PTPRD: variants seen among roughly 807,000 people sequenced by gnomAD.
The protein encoded by PTPRD is protein tyrosine phosphatase receptor type D, also known as receptor-type tyrosine-protein phosphatase delta.
PTPRD carries 34 observed loss-of-function variants against 214.5 expected under a neutral mutation model. That is an observed-to-expected ratio of 0.16 (90% CI 0.12 to 0.21). PTPRD has a LOEUF of 0.21. Among genes scored for constraint, PTPRD ranks in the 10% least tolerant of loss-of-function variants. The probability of loss-of-function intolerance (pLI) is 1.00; values close to 1 mark genes in which losing one functional copy is unlikely to be tolerated. For missense variants in PTPRD, 2,545 were observed against 2,398.7 expected (o/e 1.06, Z -1.27); for synonymous variants, 1,128 against 845.7 (o/e 1.33, Z -5.79).
chr9:9,314,827 A>G (rs1169147287), intron 9 of PTPRD, among the ~76,000 whole-genome samples: 1 of 152,008 alleles, frequency 6.6e-6, no homozygotes, highest in East Asian at 1.9e-4. Context: ...TTATTTTTAT[A>G]TATGTTTGAA....
intron 3 of PTPRD, among the ~76,000 whole-genome samples, chr9:10,297,112 T>C (rs950644493): frequency 5.4e-5 from 8 of 147,062 alleles, no homozygotes; most frequent in African/African-American, 2.0e-4. Context: ...TTTATATATA[T>C]ATATATATAA....
intron 37 of PTPRD, among the ~76,000 whole-genome samples, chr9:8,380,227 A>G (rs539714502): frequency 6.6e-6 from 1 of 152,198 alleles, no homozygotes; most frequent in Admixed American, 6.5e-5. Flanking sequence ...TCAAGGTGAC[A>G]TAAGACCCAG....
chr9:10,503,848 G>C (rs1026779743), intron 2 of PTPRD, among the ~76,000 whole-genome samples: 29 of 151,824 alleles, frequency 1.9e-4, no homozygotes, highest in African/African-American at 7.0e-4. Context: ...TGGGCGCGGG[G>C]GCTCACACCT....
chr9:10,008,450 G>A (rs371686114), intron 4 of PTPRD, among the ~76,000 whole-genome samples: 3 of 151,902 alleles, frequency 2.0e-5, no homozygotes, highest in African/African-American at 7.3e-5. Flanking sequence ...TTGACATATA[G>A]AGCCTAATTT....
intron 2 of PTPRD, among the ~76,000 whole-genome samples, chr9:10,403,227 A>AT (rs2098301499): frequency 5.0e-5 from 3 of 59,882 alleles, no homozygotes; most frequent in African/African-American, 1.8e-4. Context: ...TGTGTGTGTA[A>AT]ATATATATAT....
intron 10 of PTPRD, among the ~76,000 whole-genome samples, chr9:9,095,045 T>A (rs2099781524): frequency 6.6e-6 from 1 of 152,110 alleles, no homozygotes; most frequent in Admixed American, 6.6e-5. Flanking sequence ...ACAACTGATA[T>A]CAACATCCAT....
chr9:9,505,408 A>G (rs1002535529), intron 8 of PTPRD, among the ~76,000 whole-genome samples: 51 of 151,504 alleles, frequency 3.4e-4, no homozygotes, highest in Non-Finnish European at 1.0e-4. Flanking sequence ...TCATTGCTCA[A>G]TATAGGATGT....
intron 5 of PTPRD, among the ~76,000 whole-genome samples, chr9:9,936,197 G>A (rs1181543736): frequency 6.7e-6 from 1 of 148,664 alleles, no homozygotes; most frequent in Non-Finnish European, 1.5e-5. Flanking sequence ...AACACCAAAA[G>A]CAATGGCAAC....
At chr9:9,318,901 A>T (rs1178619884) in intron 9 of PTPRD, among the ~76,000 whole-genome samples, 1 of 152,164 alleles carries the variant, frequency 6.6e-6, no homozygotes, top group Non-Finnish European at 1.5e-5. Flanking sequence ...TTCTAGATTC[A>T]TGCATTGATT....
chr9:10,418,555 A>G (rs1315299090), intron 2 of PTPRD, among the ~76,000 whole-genome samples: 1 of 151,084 alleles, frequency 6.6e-6, no homozygotes, highest in African/African-American at 2.4e-5. Context: ...CATCTGGCAT[A>G]CCTGTTAATT....
intron 2 of PTPRD, among the ~76,000 whole-genome samples, chr9:10,553,454 A>G (rs2061795637): frequency 6.6e-6 from 1 of 152,160 alleles, no homozygotes; most frequent in Admixed American, 6.6e-5. Flanking sequence ...GTTGTATTCC[A>G]AAAAGAAACA....
chr9:10,592,915 C>T (rs776684034), intron 2 of PTPRD, among the ~76,000 whole-genome samples: 3 of 151,926 alleles, frequency 2.0e-5, no homozygotes, highest in Non-Finnish European at 4.4e-5. Context: ...GCAACCTGCT[C>T]TTGTCCCCTT....
At chr9:9,701,107 G>C (rs1595566528) in intron 7 of PTPRD, among the ~76,000 whole-genome samples, 1 of 152,002 alleles carries the variant, frequency 6.6e-6, no homozygotes, top group East Asian at 1.9e-4. Flanking sequence ...TTAAAGAATG[G>C]AGAGCAGCTC....
intron 2 of PTPRD, among the ~76,000 whole-genome samples, chr9:10,462,485 T>A (rs1051435555): frequency 2.0e-5 from 3 of 152,204 alleles, no homozygotes; most frequent in Non-Finnish European, 2.9e-5. Flanking sequence ...GGATTTAGCC[T>A]GGCTCATTCA....
chr9:8,802,372 C>A (rs114263773), intron 11 of PTPRD, among the ~76,000 whole-genome samples: 5 of 152,262 alleles, frequency 3.3e-5, no homozygotes, highest in African/African-American at 1.2e-4. Flanking sequence ...GCCATTAATA[C>A]GCTTCATATG....
At chr9:10,109,025 A>T (rs905121221) in intron 3 of PTPRD, among the ~76,000 whole-genome samples, 1 of 152,166 alleles carries the variant, frequency 6.6e-6, no homozygotes, top group Non-Finnish European at 1.5e-5. Context: ...TCACACTTTA[A>T]GAATGAGGTA....
intron 6 of PTPRD, among the ~76,000 whole-genome samples, chr9:9,748,159 G>A (rs1171945428): frequency 3.3e-5 from 5 of 152,136 alleles, no homozygotes; most frequent in Admixed American, 2.0e-4. Flanking sequence ...GTGGGTTGCT[G>A]TGTTTTCTGA....
intron 11 of PTPRD, among the ~76,000 whole-genome samples, chr9:8,737,201 G>A (rs940557148): frequency 3.3e-4 from 51 of 152,248 alleles, no homozygotes; most frequent in African/African-American, 1.2e-3. Flanking sequence ...ACAGTGATAG[G>A]ATCTAGCACT....
intron 9 of PTPRD, among the ~76,000 whole-genome samples, chr9:9,359,420 T>A (rs1352501758): frequency 6.6e-6 from 1 of 151,232 alleles, no homozygotes; most frequent in Non-Finnish European, 1.5e-5. Context: ...TGATAAGAGG[T>A]TGTGAAGATT....
Sources: allele counts gnomAD v4.1 joint callset (sites outside exome capture counted in the v4.1 genomes callset), GRCh38; gene constraint gnomAD v4.1.1; transcripts MANE v1.5; gene names NCBI Gene and HGNC (gene_info 2026-07-23, HGNC 2026-07-21).